CMTR1: variants seen among roughly 807,000 people sequenced by gnomAD.
CMTR1 encodes the protein cap methyltransferase 1.
CMTR1 carries 39 observed loss-of-function variants against 107.0 expected under a neutral mutation model. The observed-to-expected ratio is 0.36, with a 90% CI of 0.28 to 0.48. CMTR1 has a LOEUF of 0.48. Ranked by LOEUF, CMTR1 falls within the 20% of genes least tolerant of loss-of-function variation. The pLI is 0.99. For missense variants in CMTR1, 672 were observed against 1,064.9 expected (o/e 0.63, Z 5.14); for synonymous variants, 366 against 379.5 (o/e 0.96, Z 0.41).
chr6:37,435,590 A>G, intron 1 of CMTR1, 34 bp from the exon 2 acceptor site: 1 of 1,583,876 alleles, frequency 6.3e-7, no homozygotes. Flanking sequence ...GCTGTGACCC[A>G]AGGGCAGCTG....
In CMTR1 at chr6:37,480,887, G is replaced by C; in HGVS notation, c.*742G>C. The C allele has an allele frequency of 8.3e-7, 1 of 1,198,274 alleles. No homozygotes were observed. Among genetic ancestry groups the C allele is most frequent in the Non-Finnish European group, 1.1e-6 (1 of 948,328 alleles). 74.2% of individuals were successfully genotyped at this position (1,198,274 alleles called of 1,614,324 possible). ...CCATCCTAGGTGCCATCCCCTTTTG[G>C]TCCAAACATTGGGCAGCGCTAGATG... On this transcript the variant is annotated 3_prime_UTR_variant, in exon 24 of 24. Coordinates refer to ENST00000373451, the MANE Select transcript of CMTR1 (RefSeq NM_015050.3).
At chr6:37,462,672 C>T (rs1761424290) in intron 12 of CMTR1, among the ~76,000 whole-genome samples, 157 bp from the exon 13 acceptor site, 1 of 152,158 alleles carries the variant, frequency 6.6e-6, no homozygotes, top group Non-Finnish European at 1.5e-5. Context: ...TTGAGGGGAA[C>T]TTTAGCACCA....
chr6:37,468,885 A>AAAAT (rs369491638), intron 13 of CMTR1, among the ~76,000 whole-genome samples: 168 of 150,640 alleles, frequency 1.1e-3, no homozygotes, highest in East Asian at 5.7e-3. Context: ...TCCGTCTCAA[A>AAAAT]AAATAAATAA....
intron 13 of CMTR1, among the ~76,000 whole-genome samples, chr6:37,469,386 A>G (rs1761576873): frequency 6.6e-6 from 1 of 151,592 alleles, no homozygotes; most frequent in Admixed American, 6.6e-5. Flanking sequence ...TAATATCTCA[A>G]TCTTGATATA....
intron 2 of CMTR1, among the ~76,000 whole-genome samples, chr6:37,443,129 T>C (rs1771708273): frequency 6.6e-6 from 1 of 152,268 alleles, no homozygotes; most frequent in South Asian, 2.1e-4. Flanking sequence ...CTCCAAATGC[T>C]AACCCCTGAA....
intron 10 of CMTR1, among the ~76,000 whole-genome samples, chr6:37,461,077 T>G (rs1761394640): frequency 1.3e-5 from 2 of 152,196 alleles, no homozygotes; most frequent in Admixed American, 6.5e-5. Flanking sequence ...TTACTGTGAC[T>G]AGGAAAGTTA....
intron 10 of CMTR1, among the ~76,000 whole-genome samples, chr6:37,459,986 G>A (rs1292287403): frequency 6.6e-6 from 1 of 152,134 alleles, no homozygotes; most frequent in Non-Finnish European, 1.5e-5. Context: ...AACCAAAGAC[G>A]GCAGCACAGA....
chr6:37,455,490 A>G (rs1761273107), intron 8 of CMTR1, among the ~76,000 whole-genome samples: 1 of 152,248 alleles, frequency 6.6e-6, no homozygotes, highest in Non-Finnish European at 1.5e-5. Context: ...GAGACAAAGG[A>G]CGGAGGGAAA....
upstream of CMTR1, among the ~76,000 whole-genome samples, chr6:37,431,553 CAG>C (rs201679248): frequency 0.04 from 6,037 of 152,226 alleles, 432 homozygotes; most frequent in African/African-American, 0.13. Flanking sequence ...CTTTCCTGTA[CAG>C]AGTTTACAGC....
chr6:37,481,109 C>A lies in CMTR1; in HGVS notation c.*964C>A. On this transcript the variant is annotated 3_prime_UTR_variant, in exon 24 of 24. Coordinates refer to ENST00000373451, the MANE Select transcript of CMTR1 (RefSeq NM_015050.3). ...CTTACTACCCTTTCCCTTCCTTTTT[C>A]TTCCCTAATAGGAGGTACAATCTGC... is the stretch of plus-strand genomic sequence containing the variant. The A allele has an allele frequency of 7.7e-7, 1 of 1,304,154 alleles. No homozygotes were observed. Among genetic ancestry groups the A allele is most frequent in the Non-Finnish European group, 1.0e-6 (1 of 988,940 alleles). 80.8% of individuals were successfully genotyped at this position (1,304,154 alleles called of 1,614,324 possible). A position where few individuals can be genotyped will look rare whatever the true frequency, so the allele number is the denominator to read the frequency against.
In CMTR1 at chr6:37,462,835, G is replaced by A. The variant is rs1222345420; in HGVS notation, c.1332G>A (p.Val444=). 6.2e-7 allele frequency: 1 copy of A among 1,612,394 alleles called. No homozygotes were observed. Among genetic ancestry groups the A allele is most frequent in the Non-Finnish European group, 8.5e-7 (1 of 1,179,944 alleles). The change falls in exon 13 of 24, where the codon GTG becomes GTA. Residue 444 remains valine, a synonymous_variant. Transcript: ENST00000373451. Reference sequence around the variant, plus strand: ...ACAGAGTATCTTCTGCCAGGTATGTGGTGTGCAAGGGCCTGAAGGTGGGCA... The same window carrying A: ...ACAGAGTATCTTCTGCCAGGTATGTAGTGTGCAAGGGCCTGAAGGTGGGCA... ...TSRPANSERY[V]VCKGLKVGID... is the part of the protein sequence containing the mutation.
At chr6:37,452,955 G>C (rs1419952932) in intron 6 of CMTR1, 92 bp from the exon 7 acceptor site, 1 of 1,087,492 alleles carries the variant, frequency 9.2e-7, no homozygotes, top group Non-Finnish European at 1.4e-6. Context: ...CAGGAATCTT[G>C]TTCCTTGGAG....
Position 37,437,303 on chromosome 6 carries a change from G to T in CMTR1, c.133+1541G>T, listed in dbSNP as rs1010089596. ...GCACTTTGGGAGGCTAAGGTGGGCG[G>T]ATCACGAGGTCAGGAGATCGAGACC... On this transcript the variant is annotated intron_variant, in intron 2 of 23. Coordinates refer to ENST00000373451, the MANE Select transcript of CMTR1 (RefSeq NM_015050.3). 6.6e-5 allele frequency among the ~76,000 whole-genome samples: 10 copies of T among 151,720 alleles called. No individual in the cohort carries two copies. In the South Asian group the frequency reaches 2.1e-3, roughly 32 times the overall value.
In CMTR1 at chr6:37,435,715, C is replaced by T. The variant is rs1012644285; in HGVS notation, c.86C>T (p.Ser29Phe). 1.9e-6 allele frequency: 3 copies of T among 1,602,764 alleles called. No homozygotes were observed. Among genetic ancestry groups the T allele is most frequent in the Non-Finnish European group, 2.6e-6 (3 of 1,175,772 alleles). Residue 29 changes from serine (S) to phenylalanine (F), a missense_variant, in exon 2 of 24, where the codon TCC (serine) becomes TTC (phenylalanine). Ser to Phe is a radical substitution (Grantham distance 155, BLOSUM62 -2). Around this residue, in one of 2 missense-constraint regions of CMTR1, gnomAD observed 89 missense variants for 96.6 expected, o/e 0.92. Transcript: ENST00000373451. ...GCAGAGCTTGCCCTGAGCCTCAGCT[C>T]CACGTCCGATGATGAACCTCCCTCC... ...RVAELALSLS[S>F]TSDDEPPSSV...
intron 5 of CMTR1, among the ~76,000 whole-genome samples, chr6:37,450,893 ACC>A (rs1412030163): frequency 6.6e-6 from 1 of 152,132 alleles, no homozygotes; most frequent in Non-Finnish European, 1.5e-5. Flanking sequence ...TGCACTTTTC[ACC>A]CTCATTCTCT....
At chr6:37,463,614 T>C (rs929477089) in intron 13 of CMTR1, among the ~76,000 whole-genome samples, 16 of 152,226 alleles carry the variant, frequency 1.1e-4, no homozygotes, top group Middle Eastern at 6.8e-3. Flanking sequence ...GGTTGTATAG[T>C]AGTAGTGATT....
intron 13 of CMTR1, among the ~76,000 whole-genome samples, chr6:37,469,668 C>T (rs905005800): frequency 1.3e-5 from 2 of 151,282 alleles, no homozygotes; most frequent in Admixed American, 6.6e-5. Context: ...GTTGGGATTA[C>T]AGGTGCCCAC....
intron 13 of CMTR1, among the ~76,000 whole-genome samples, chr6:37,466,320 C>G (rs1761511611): frequency 6.6e-6 from 1 of 151,820 alleles, no homozygotes; most frequent in South Asian, 2.1e-4. Context: ...ACCATGTTGG[C>G]CAGGATGGTC....
intron 8 of CMTR1, among the ~76,000 whole-genome samples, chr6:37,454,742 G>A (rs1317041135): frequency 2.6e-5 from 4 of 152,094 alleles, no homozygotes; most frequent in African/African-American, 9.7e-5. Context: ...TAGTGGCCAC[G>A]GAGAATTGCC....
Sources: allele counts gnomAD v4.1 joint callset (sites outside exome capture counted in the v4.1 genomes callset), GRCh38; gene constraint gnomAD v4.1.1; regional missense constraint gnomAD v4.1.1; transcripts MANE v1.5; gene names NCBI Gene and HGNC (gene_info 2026-07-23, HGNC 2026-07-21).